Variants in ANP32A observed in about 807,000 individuals in gnomAD.
ANP32A encodes the protein acidic nuclear phosphoprotein 32 family member A, also known as acidic leucine-rich nuclear phosphoprotein 32 family member A.
Under a neutral mutation model 33.9 loss-of-function variants are expected in ANP32A, and 1 was observed. The ratio of observed to expected loss-of-function variants is 0.03; its 90% confidence interval spans 0.01 to 0.14. The LOEUF (loss-of-function observed/expected upper bound fraction) is 0.14, where lower values mean the gene tolerates loss of function less well. Among genes scored for constraint, ANP32A ranks in the 10% least tolerant of loss-of-function variants. The pLI is 1.00. For synonymous variants in ANP32A, 115 were observed against 120.5 expected, an observed-to-expected ratio of 0.95 and a Z score of 0.30; for missense variants, 155 against 306.0, an observed-to-expected ratio of 0.51 and a Z score of 3.68.
At chr15:68,783,135 G>A (rs2290428) in intron 4 of ANP32A, 82 bp from the exon 5 acceptor site, 108,266 of 1,532,036 alleles carry the variant, frequency 0.071, 5,185 homozygotes, top group East Asian at 0.28. Flanking sequence ...CCCTTGTAGC[G>A]TCTTCAGTGT....
chr15:68,783,004 C>T lies in ANP32A; in HGVS notation c.576G>A (p.Glu192=). 3 of 1,551,646 alleles carry T rather than the reference C, an allele frequency of 1.9e-6. No individual in the cohort carries two copies. Among genetic ancestry groups the T allele is most frequent in the African/African-American group, 1.4e-5 (1 of 73,168 alleles). Residue 192 remains glutamate, a synonymous_variant, in exon 5 of 7, where the codon GAG becomes GAA. Transcript: ENST00000465139. The stretch of plus-strand genomic sequence containing the variant: ...CCTCTTCACCTTCCTCCTCCTCATC[C>T]TCGTCCTCCTCGTCTTCCACTACCT... ...DAQVVEDEED[E]DEEEEGEEED... is the part of the protein sequence containing the mutation.
At chr15:68,787,359 C>T (rs1359671529) in intron 3 of ANP32A, 54 bp downstream of exon 3, 3 of 1,611,748 alleles carry the variant, frequency 1.9e-6, no homozygotes, top group Non-Finnish European at 2.5e-6. Flanking sequence ...TTTGCTGATG[C>T]CAATTCCTCC....
chr15:68,809,374 G>C (rs1041643160), intron 1 of ANP32A, among the ~76,000 whole-genome samples: 4 of 152,170 alleles, frequency 2.6e-5, no homozygotes, highest in Admixed American at 1.3e-4. Flanking sequence ...AAAATAAAAC[G>C]AGCAATTAAT....
chr15:68,795,964 A>G (rs1032954006), intron 1 of ANP32A, among the ~76,000 whole-genome samples: 5 of 152,148 alleles, frequency 3.3e-5, no homozygotes, highest in Non-Finnish European at 1.5e-5. Context: ...TGGGGTCTGA[A>G]GAAGGGAAGG....
chr15:68,816,734 A>C (rs1457190888), intron 1 of ANP32A, among the ~76,000 whole-genome samples: 1 of 152,236 alleles, frequency 6.6e-6, no homozygotes, highest in Non-Finnish European at 1.5e-5. Flanking sequence ...TCACAAGGGC[A>C]GGTAAACGTA....
At chr15:68,783,569 A>G (rs987911394) in intron 4 of ANP32A, among the ~76,000 whole-genome samples, 1 of 152,066 alleles carries the variant, frequency 6.6e-6, no homozygotes. Flanking sequence ...CTTGCAAAAC[A>G]CTCCCAATTG....
rs929424108 is a variant in ANP32A at position 68,792,211 on chromosome 15, T to C, written c.55-4292A>G. The C allele has an allele frequency of 7.2e-5, 11 of 152,100 alleles. No individual in the cohort carries two copies. In the East Asian group the frequency reaches 1.7e-3, roughly 24 times the overall value. 9.4% of individuals were successfully genotyped at this position (152,100 alleles called of 1,614,324 possible). On this transcript the variant is annotated intron_variant, in intron 1 of 6. Coordinates refer to ENST00000465139, the MANE Select transcript of ANP32A (RefSeq NM_006305.4). ...GCAAAGTTAAAATTAAACTGAAAATTTGTACTTTTGTAGACTTTTTCCCAA... is the reference window on the plus strand; with the variant it reads ...GCAAAGTTAAAATTAAACTGAAAATCTGTACTTTTGTAGACTTTTTCCCAA...
chr15:68,799,304 C>T (rs1894100642), intron 1 of ANP32A, among the ~76,000 whole-genome samples: 1 of 152,100 alleles, frequency 6.6e-6, no homozygotes, highest in African/African-American at 2.4e-5. Flanking sequence ...CAGAGAAAGA[C>T]ACGATGAGGG....
chr15:68,800,763 A>AAAAG (rs1555423673), intron 1 of ANP32A, among the ~76,000 whole-genome samples: 21 of 150,578 alleles, frequency 1.4e-4, no homozygotes, highest in South Asian at 6.3e-4. Flanking sequence ...AAAAAGAAAG[A>AAAAG]AAAGAAAAGG....
chr15:68,807,429 G>GA (rs550609035), intron 1 of ANP32A, among the ~76,000 whole-genome samples: 5 of 131,506 alleles, frequency 3.8e-5, no homozygotes, highest in East Asian at 2.7e-4. Context: ...ACAGAAAACG[G>GA]GGGGGGGGGA....
At chr15:68,788,040 A>G in intron 1 of ANP32A, 121 bp from the exon 2 acceptor site, 4 of 1,233,732 alleles carry the variant, frequency 3.2e-6, no homozygotes, top group Non-Finnish European at 4.6e-6. Context: ...TCACTCCGTC[A>G]CTTCTTCTAG....
In ANP32A at chr15:68,820,604, C is replaced by A; in HGVS notation, c.54+94G>T. The A allele has an allele frequency of 9.5e-6, 3 of 316,556 alleles. 1 individual carries two copies. Among genetic ancestry groups the A allele is most frequent in the Non-Finnish European group, 1.1e-5 (2 of 174,002 alleles). The allele number at this position is 316,556 out of a possible 1,614,324, so 19.6% of individuals were successfully genotyped here. A position where few individuals can be genotyped will look rare whatever the true frequency, so the allele number is the denominator to read the frequency against. ...AAACCCGCACCTCCCGGGCGCCCCC[C>A]CCCAAAAAAAGTGCCTCCCCCCAGC... On this transcript the variant is annotated intron_variant, in intron 1 of 6. Transcript: ENST00000465139.
At chr15:68,814,031 G>A (rs1034429052) in intron 1 of ANP32A, among the ~76,000 whole-genome samples, 14 of 151,930 alleles carry the variant, frequency 9.2e-5, no homozygotes, top group Non-Finnish European at 2.1e-4. Flanking sequence ...CACCATGCCC[G>A]GCTAATTTTT....
intron 1 of ANP32A, among the ~76,000 whole-genome samples, chr15:68,819,893 G>A (rs538750566): frequency 6.6e-6 from 1 of 152,336 alleles, no homozygotes; most frequent in South Asian, 2.1e-4. Flanking sequence ...AGAAACATCA[G>A]CATCTGGCCC....
chr15:68,801,309 G>A (rs574765675), intron 1 of ANP32A, among the ~76,000 whole-genome samples: 1 of 151,472 alleles, frequency 6.6e-6, no homozygotes, highest in South Asian at 2.1e-4. Flanking sequence ...GTAGAAATGG[G>A]CCTAATCTAC....
chr15:68,782,093 ACT>A (rs949892561), intron 5 of ANP32A, among the ~76,000 whole-genome samples: 4 of 151,674 alleles, frequency 2.6e-5, no homozygotes, highest in African/African-American at 9.7e-5. Context: ...TCACTTTAAA[ACT>A]CTCTAGTTCT....
At chr15:68,810,707 T>C (rs1218816420) in intron 1 of ANP32A, among the ~76,000 whole-genome samples, 2 of 152,066 alleles carry the variant, frequency 1.3e-5, no homozygotes, top group African/African-American at 4.8e-5. Context: ...AACTGAGCAG[T>C]GACTAGAGCC....
At chr15:68,794,118 A>T (rs1355050049) in intron 1 of ANP32A, among the ~76,000 whole-genome samples, 2 of 152,224 alleles carry the variant, frequency 1.3e-5, no homozygotes, top group East Asian at 3.8e-4. Context: ...GTTGGATTAA[A>T]TAAGAATGTA....
rs370254405 is a variant in ANP32A at position 68,784,282 on chromosome 15, C to T, written c.526+115G>A. 1.5e-4 allele frequency: 178 copies of T among 1,210,086 alleles called. No individual in the cohort carries two copies. In the African/African-American group the frequency reaches 2.2e-3, roughly 15 times the overall value. 75.0% of individuals were successfully genotyped at this position (1,210,086 alleles called of 1,614,324 possible). On this transcript the variant is annotated intron_variant, in intron 4 of 6. Coordinates refer to ENST00000465139, the MANE Select transcript of ANP32A (RefSeq NM_006305.4). ...AGCTACCAGACAGACAGCCAGCCTT[C>T]AGTAGCTGGGTGGGGGCCTCCCAAC...
Sources: allele counts gnomAD v4.1 joint callset (sites outside exome capture counted in the v4.1 genomes callset), GRCh38; gene constraint gnomAD v4.1.1; transcripts MANE v1.5; gene names NCBI Gene and HGNC (gene_info 2026-07-23, HGNC 2026-07-21).